NALCN: variants seen among roughly 807,000 people sequenced by gnomAD.
The protein encoded by NALCN is sodium leak channel NALCN.
Under a neutral mutation model 225.3 loss-of-function variants are expected in NALCN, and 111 were observed. That is an observed-to-expected ratio of 0.49 (90% CI 0.42 to 0.58). The LOEUF is 0.58. Among genes scored for constraint, NALCN ranks in the 20% least tolerant of loss-of-function variants. The pLI is 0.00. For synonymous variants in NALCN, 764 were observed against 769.0 expected (o/e 0.99, Z 0.11); for missense variants, 1,378 against 2,202.4 (o/e 0.63, Z 7.49).
At chr13:101,114,206 G>C (rs1283739127) in intron 18 of NALCN, among the ~76,000 whole-genome samples, 1 of 152,184 alleles carries the variant, frequency 6.6e-6, no homozygotes, top group African/African-American at 2.4e-5. Flanking sequence ...GACAGGTGAT[G>C]TGCTTTCTCT....
rs775107789 is a variant in NALCN, at chr13:101,067,917, C to T, written c.4446+1G>A. On this transcript the variant is annotated splice_donor_variant, in intron 39 of 43. Coordinates refer to ENST00000251127, the MANE Select transcript of NALCN (RefSeq NM_052867.4). LOFTEE classifies it high-confidence loss of function. Reference sequence around the variant, plus strand: ...CATGAAACAACAACCCACTCCCATACCTCTCTTTTATCATCCACCATGTTC... The same window carrying T: ...CATGAAACAACAACCCACTCCCATATCTCTCTTTTATCATCCACCATGTTC... 3.7e-6 allele frequency: 6 copies of T among 1,600,658 alleles called. No individual in the cohort carries two copies. The highest frequency in any genetic ancestry group is 4.3e-6 in the Non-Finnish European group (5 of 1,169,140).
intron 19 of NALCN, 143 bp downstream of exon 19, chr13:101,110,982 T>C (rs2035397378): frequency 7.3e-6 from 6 of 826,586 alleles, no homozygotes; most frequent in Middle Eastern, 3.4e-4. Flanking sequence ...TTCATTATTG[T>C]AACAAACAGC....
chr13:101,227,937 C>A (rs1254814830), intron 13 of NALCN, among the ~76,000 whole-genome samples: 1 of 152,206 alleles, frequency 6.6e-6, no homozygotes, highest in Admixed American at 6.5e-5. Flanking sequence ...TGGCTACATC[C>A]AGCCATTGGA....
rs753659731 is a variant in NALCN, at chr13:101,107,545, C to T, written c.2521G>A (p.Gly841Arg). Residue 841 changes from glycine (G) to arginine (R), a missense_variant, in exon 22 of 44, where the codon GGG becomes AGG. Coordinates refer to ENST00000251127, the MANE Select transcript of NALCN (RefSeq NM_052867.4). ...PYFDKPLFIV[G>R]REHRFRNFCR... is the part of the protein sequence containing the mutation. ...AAGTTTCTGAACCTGTGTTCTCGCC[C>T]GACAATGAACAGTGGCTTATCGAAG... The T allele has an allele frequency of 3.1e-6, 5 of 1,614,098 alleles. No homozygotes were observed. Among genetic ancestry groups the T allele is most frequent in the South Asian group, 2.2e-5 (2 of 91,082 alleles).
chr13:101,074,741 AG>A, intron 35 of NALCN, 79 bp from the exon 36 acceptor site: 4 of 1,432,548 alleles, frequency 2.8e-6, no homozygotes, highest in South Asian at 1.4e-5. Flanking sequence ...AGAGAGAGAG[AG>A]AATATTCAAT....
At chr13:101,165,739 G>A (rs1470862152) in intron 15 of NALCN, among the ~76,000 whole-genome samples, 1 of 152,216 alleles carries the variant, frequency 6.6e-6, no homozygotes, top group East Asian at 1.9e-4. Flanking sequence ...GCCTCCTAAA[G>A]TTTTGGGATT....
intron 6 of NALCN, 129 bp downstream of exon 6, chr13:101,376,571 G>T: frequency 1.2e-6 from 1 of 801,400 alleles, no homozygotes; most frequent in Non-Finnish European, 1.9e-6. Context: ...TACCGAGGAA[G>T]CAGAGACACA....
At chr13:101,097,808 A>C (rs936413173) in intron 27 of NALCN, among the ~76,000 whole-genome samples, 1 of 152,130 alleles carries the variant, frequency 6.6e-6, no homozygotes, top group Admixed American at 6.6e-5. Flanking sequence ...ATCTCTCCCT[A>C]ACTTACATTT....
intron 1 of NALCN, among the ~76,000 whole-genome samples, chr13:101,406,649 T>C (rs368712328): frequency 1.3e-5 from 2 of 152,360 alleles, no homozygotes; most frequent in South Asian, 2.1e-4. Context: ...CACACACTTA[T>C]AAAAATGTCA....
At chr13:101,313,883 TC>T (rs2044450710) in intron 7 of NALCN, among the ~76,000 whole-genome samples, 1 of 152,048 alleles carries the variant, frequency 6.6e-6, no homozygotes, top group Non-Finnish European at 1.5e-5. Flanking sequence ...GTGGCACTAT[TC>T]ACAATAGCAA....
At chr13:101,084,178 G>A (rs2033814793) in intron 30 of NALCN, among the ~76,000 whole-genome samples, 1 of 152,146 alleles carries the variant, frequency 6.6e-6, no homozygotes, top group African/African-American at 2.4e-5. Context: ...TGTCAATGCT[G>A]TGGCTTCCAG....
intron 10 of NALCN, among the ~76,000 whole-genome samples, chr13:101,276,062 CAAAAAAAAAAA>C (rs59471123): frequency 3.1e-4 from 26 of 84,312 alleles, no homozygotes; most frequent in Non-Finnish European, 5.9e-4. Context: ...GACTCCTTCT[CAAAAAAAAAAA>C]AAAAAAAAAA....
chr13:101,262,260 A>C (rs970579673), intron 10 of NALCN, among the ~76,000 whole-genome samples: 1 of 152,212 alleles, frequency 6.6e-6, no homozygotes, highest in Non-Finnish European at 1.5e-5. Context: ...TATCCACCAT[A>C]GCTCTATATG....
intron 7 of NALCN, among the ~76,000 whole-genome samples, chr13:101,294,231 G>A (rs1272824332): frequency 6.6e-6 from 1 of 152,150 alleles, no homozygotes; most frequent in African/African-American, 2.4e-5. Context: ...CATAGAGTTA[G>A]ATAGAAGGAA....
chr13:101,216,421 G>A (rs1268209943), intron 13 of NALCN, among the ~76,000 whole-genome samples: 1 of 152,054 alleles, frequency 6.6e-6, no homozygotes, highest in Non-Finnish European at 1.5e-5. Flanking sequence ...AGAGTGAGAG[G>A]ACAGAGATCA....
At chr13:101,161,099 C>T (rs2038162001) in intron 15 of NALCN, among the ~76,000 whole-genome samples, 2 of 152,208 alleles carry the variant, frequency 1.3e-5, no homozygotes, top group African/African-American at 4.8e-5. Context: ...ACATGGAGAA[C>T]TTTACTAGGA....
At chr13:101,405,881 T>C (rs2047606314) in intron 1 of NALCN, among the ~76,000 whole-genome samples, 1 of 152,170 alleles carries the variant, frequency 6.6e-6, no homozygotes, top group Non-Finnish European at 1.5e-5. Context: ...TGCTTTGGGA[T>C]ACATGAGAGT....
chr13:101,375,717 A>T (rs2139416605), intron 6 of NALCN, among the ~76,000 whole-genome samples: 1 of 152,316 alleles, frequency 6.6e-6, no homozygotes, highest in African/African-American at 2.4e-5. Context: ...TTCATTTATA[A>T]ATAGACAAAT....
At position 101,118,612 on chromosome 13, in the gene NALCN, T is replaced by C. The variant is rs1257994736; in HGVS notation, c.2192+5996A>G. On this transcript the variant is annotated intron_variant, in intron 18 of 43. Coordinates refer to ENST00000251127, the MANE Select transcript of NALCN (RefSeq NM_052867.4). The stretch of plus-strand genomic sequence containing the variant: ...TAGTCTTTCAACTAACTTATCAGAG[T>C]TTTTAAGTGTCAGGAAAATCTTAAG... 2.6e-5 allele frequency among the ~76,000 whole-genome samples: 4 copies of C among 152,006 alleles called. No individual in the cohort carries two copies. The East Asian group carries it at 7.7e-4, about 29-fold the overall frequency.
Sources: gnomAD v4.1 joint callset for allele counts (sites outside exome capture counted in the v4.1 genomes callset) on GRCh38, gnomAD v4.1.1 for gene constraint, MANE v1.5 for transcripts, NCBI Gene and HGNC (gene_info 2026-07-23, HGNC 2026-07-21) for gene names.